Variants in GPCPD1 observed in about 807,000 individuals in gnomAD.
GPCPD1 encodes the protein glycerophosphocholine phosphodiesterase GPCPD1.
GPCPD1 carries 29 observed loss-of-function variants against 89.2 expected under a neutral mutation model. The observed-to-expected ratio is 0.33, with a 90% CI of 0.24 to 0.44. GPCPD1 has a LOEUF of 0.44. Ranked by LOEUF, GPCPD1 falls within the 20% of genes least tolerant of loss-of-function variation. GPCPD1 has a pLI of 1.00. For missense variants in GPCPD1, 594 were observed against 808.9 expected (o/e 0.73, Z 3.22); for synonymous variants, 258 against 266.3 (o/e 0.97, Z 0.30).
chr20:5,610,770 C>A, intron 1 of GPCPD1, 72 bp downstream of exon 1: 1 of 150,556 alleles, frequency 6.6e-6, no homozygotes, highest in South Asian at 1.9e-4. Context: ...CCGCCGCGTC[C>A]CGGGCCGCCC....
At chr20:5,582,558 G>A (rs894650968) in intron 6 of GPCPD1, among the ~76,000 whole-genome samples, 19 of 152,210 alleles carry the variant, frequency 1.2e-4, no homozygotes, top group Admixed American at 9.2e-4. Context: ...CCGCCCACCC[G>A]CTTTCCACCT....
At position 5,574,172 on chromosome 20, in the gene GPCPD1, C is replaced by T. The variant is rs149726813; in HGVS notation, c.1002-203G>A. On this transcript the variant is annotated intron_variant, in intron 10 of 19. Coordinates refer to ENST00000379019, the MANE Select transcript of GPCPD1 (RefSeq NM_019593.5). ...AAGCTCTGACAATGATAGATATTTA[C>T]AAGCTGAATACCGACATGGCCAACA... The T allele has an allele frequency of 1.1e-4, 64 of 569,462 alleles. No homozygotes were observed. The Middle Eastern group carries it at 1.4e-3, about 12-fold the overall frequency. The allele number at this position is 569,462 out of a possible 1,614,324, so 35.3% of individuals were successfully genotyped here.
chr20:5,563,859 G>A (rs1986225819), intron 15 of GPCPD1, among the ~76,000 whole-genome samples: 1 of 151,962 alleles, frequency 6.6e-6, no homozygotes. Flanking sequence ...CTTCATTATG[G>A]TCACTTCTCT....
intron 17 of GPCPD1, among the ~76,000 whole-genome samples, chr20:5,559,216 T>C (rs1985947982): frequency 6.6e-6 from 1 of 151,490 alleles, no homozygotes; most frequent in Admixed American, 6.6e-5. Context: ...AATAAATAGA[T>C]TTAAAAAAAA....
chr20:5,605,960 T>C (rs73587618), intron 1 of GPCPD1, among the ~76,000 whole-genome samples: 1 of 152,066 alleles, frequency 6.6e-6, no homozygotes, highest in Admixed American at 6.6e-5. Context: ...GGAATCACTT[T>C]GATTATTTAT....
rs537213525 is a variant in GPCPD1, at chr20:5,569,515, T to C, written c.1149+632A>G. On this transcript the variant is annotated intron_variant, in intron 12 of 19. Transcript: ENST00000379019. ...CATTCTGGATCCCCCCCCGCCATTA[T>C]GCCCTCTTCTCCATTCTTCTGGTCC... Among the ~76,000 whole-genome samples, 42 of 151,990 alleles carry C rather than the reference T, an allele frequency of 2.8e-4. 1 individual carries two copies. In the South Asian group the frequency reaches 3.3e-3, roughly 12 times the overall value.
chr20:5,568,554 T>C (rs894145781), intron 12 of GPCPD1, among the ~76,000 whole-genome samples: 41 of 152,148 alleles, frequency 2.7e-4, no homozygotes, highest in African/African-American at 9.7e-4. Flanking sequence ...GATCAAGATA[T>C]AGCCTGGTGA....
At position 5,610,440 on chromosome 20, in the gene GPCPD1, G is replaced by T. The variant is rs189072962; in HGVS notation, c.-29+402C>A. Reference sequence around the variant, plus strand: ...AGAGAGCGGCGGTGAGCCGGGGGCCGCTGTGGGGCAGGGGATGTCCCCAGA... The same window carrying T: ...AGAGAGCGGCGGTGAGCCGGGGGCCTCTGTGGGGCAGGGGATGTCCCCAGA... On this transcript the variant is annotated intron_variant, in intron 1 of 19. Transcript: ENST00000379019. Among the ~76,000 whole-genome samples, 725 of 152,214 alleles carry T rather than the reference G, an allele frequency of 4.8e-3. 4 individuals carry two copies. The highest frequency in any genetic ancestry group is 8.0e-3 in the Admixed American group (123 of 15,292).
chr20:5,551,268 G>A (rs769369127), intron 19 of GPCPD1, among the ~76,000 whole-genome samples: 1 of 152,098 alleles, frequency 6.6e-6, no homozygotes, highest in African/African-American at 2.4e-5. Flanking sequence ...GCATTTAAGC[G>A]CACACACACA....
chr20:5,602,568 A>G (rs1030724589), intron 2 of GPCPD1, among the ~76,000 whole-genome samples: 1 of 152,268 alleles, frequency 6.6e-6, no homozygotes, highest in African/African-American at 2.4e-5. Flanking sequence ...GAATGCTAGA[A>G]TAAAGAAGCT....
chr20:5,567,246 T>C (rs1030511534), intron 13 of GPCPD1, among the ~76,000 whole-genome samples: 11 of 152,220 alleles, frequency 7.2e-5, no homozygotes, highest in South Asian at 2.1e-4. Context: ...CAAAAACTTA[T>C]GGTCTAGTTC....
chr20:5,550,314 G>GAAAAAAAAAAAAAA (rs569097159), intron 19 of GPCPD1, among the ~76,000 whole-genome samples: 1 of 138,750 alleles, frequency 7.2e-6, no homozygotes, highest in Non-Finnish European at 1.6e-5. Flanking sequence ...AAAATAGGAG[G>GAAAAAAAAAAAAAA]AAAAAAAAAT....
At chr20:5,552,035 T>C (rs1985443084) in intron 19 of GPCPD1, among the ~76,000 whole-genome samples, 1 of 152,080 alleles carries the variant, frequency 6.6e-6, no homozygotes, top group Non-Finnish European at 1.5e-5. Flanking sequence ...AAGAGCCAAA[T>C]AAAGATTTGA....
chr20:5,596,131 G>A (rs542380520), intron 3 of GPCPD1, among the ~76,000 whole-genome samples: 5 of 152,080 alleles, frequency 3.3e-5, no homozygotes, highest in Non-Finnish European at 7.4e-5. Context: ...CAGAACCCAG[G>A]CATAGTGGCT....
chr20:5,579,637 T>C (rs1978328315), intron 7 of GPCPD1, among the ~76,000 whole-genome samples: 1 of 152,184 alleles, frequency 6.6e-6, no homozygotes, highest in African/African-American at 2.4e-5. Context: ...TGTGAGCCAC[T>C]GCACCCATTG....
chr20:5,576,555 T>C (rs1978289463), intron 8 of GPCPD1, among the ~76,000 whole-genome samples: 1 of 152,204 alleles, frequency 6.6e-6, no homozygotes, highest in African/African-American at 2.4e-5. Context: ...ATGGCTTCTC[T>C]ATGATTAAAT....
chr20:5,595,134 A>G (rs910899853), intron 3 of GPCPD1, among the ~76,000 whole-genome samples: 2 of 152,212 alleles, frequency 1.3e-5, no homozygotes, highest in South Asian at 2.1e-4. Flanking sequence ...GCAATTCACT[A>G]AAGGCTCAAA....
At chr20:5,559,607 T>C (rs1186447623) in intron 17 of GPCPD1, among the ~76,000 whole-genome samples, 1 of 151,970 alleles carries the variant, frequency 6.6e-6, no homozygotes, top group Non-Finnish European at 1.5e-5. Context: ...AAAAGATAAA[T>C]ACAAATTTAA....
chr20:5,559,008 G>T (rs1278672332), intron 17 of GPCPD1, among the ~76,000 whole-genome samples, 189 bp from the exon 18 acceptor site: 7 of 152,072 alleles, frequency 4.6e-5, no homozygotes, highest in African/African-American at 1.7e-4. Flanking sequence ...TTCAAGACCA[G>T]CCTGGACAAC....
Sources: gnomAD v4.1 joint callset for allele counts (sites outside exome capture counted in the v4.1 genomes callset) on GRCh38, gnomAD v4.1.1 for gene constraint, MANE v1.5 for transcripts, NCBI Gene and HGNC (gene_info 2026-07-23, HGNC 2026-07-21) for gene names.